TF: variants seen among roughly 807,000 people sequenced by gnomAD.
TF encodes the protein transferrin.
Under a neutral mutation model 82.4 loss-of-function variants are expected in TF, and 55 were observed. The observed-to-expected ratio is 0.67, with a 90% CI of 0.54 to 0.84. The LOEUF is 0.84. Ranked by LOEUF, TF falls within the 40% of genes least tolerant of loss-of-function variation. The pLI is 0.00. For missense variants in TF, 737 were observed against 868.4 expected, an observed-to-expected ratio of 0.85 and a Z score of 1.90; for synonymous variants, 332 against 332.6, an observed-to-expected ratio of 1.00 and a Z score of 0.02.
chr3:133,758,094 G>A, intron 8 of TF, 148 bp downstream of exon 8: 3 of 707,926 alleles, frequency 4.2e-6, no homozygotes, highest in Non-Finnish European at 4.7e-6. Flanking sequence ...TTAGACTGAT[G>A]CTGAATGGCG....
In TF at chr3:133,778,567, T is replaced by G; in HGVS notation, c.2063-19T>G. 2 of 1,612,482 alleles carry G rather than the reference T, an allele frequency of 1.2e-6. No individual in the cohort carries two copies. The highest frequency in any genetic ancestry group is 1.1e-5 in the South Asian group (1 of 91,054). On this transcript the variant is annotated intron_variant, in intron 16 of 16. Transcript: ENST00000402696. ...ATAGGAAGATTTTGAAAATCCTACC[T>G]CTCTGCTCTGCTCCACAGCACTCCT...
At chr3:133,729,752 G>A in the TF span, among the ~76,000 whole-genome samples, 3 of 152,106 alleles carry the variant, frequency 2.0e-5, no homozygotes, top group Non-Finnish European at 2.9e-5. Flanking sequence ...CTTCTGCATC[G>A]CTCACGCTGG....
At chr3:133,744,777 GAT>G (rs2107903748), upstream of TF, among the ~76,000 whole-genome samples, 1 of 152,316 alleles carries the variant, frequency 6.6e-6, no homozygotes, top group East Asian at 1.9e-4. Context: ...TTGCATATGA[GAT>G]AATCTTTTGG....
chr3:133,662,220 A>C, the TF span: 5 of 152,254 alleles, frequency 3.3e-5, no homozygotes, highest in Non-Finnish European at 7.3e-5. Context: ...GGATTTCCTC[A>C]ATAGATATTT....
rs777553078 is a variant in TF, at chr3:133,766,410, A to G, written c.1463A>G (p.Asn488Ser). ...GWNIPMGLLY[N>S]KINHCRFDEF... Reference sequence around the variant, plus strand: ...AACATCCCCATGGGCCTGCTCTACAATAAGATCAACCACTGCAGATTTGGT... The same window carrying G: ...AACATCCCCATGGGCCTGCTCTACAGTAAGATCAACCACTGCAGATTTGGT... Residue 488 changes from asparagine (N) to serine (S), a missense_variant, in exon 12 of 17, where the codon AAT becomes AGT. Asn to Ser is a conservative substitution (Grantham distance 46, BLOSUM62 1). Transcript: ENST00000402696. The G allele has an allele frequency of 6.2e-7, 1 of 1,614,200 alleles. No homozygotes were observed. Among genetic ancestry groups the G allele is most frequent in the South Asian group, 1.1e-5 (1 of 91,080 alleles).
the TF span, among the ~76,000 whole-genome samples, chr3:133,725,565 A>G: frequency 1.3e-5 from 2 of 152,068 alleles, no homozygotes; most frequent in African/African-American, 2.4e-5. Flanking sequence ...GGCTGAGACA[A>G]TGGGGTTTTC....
the TF span, among the ~76,000 whole-genome samples, chr3:133,682,745 A>G: frequency 1.1e-5 from 1 of 93,700 alleles, no homozygotes; most frequent in Non-Finnish European, 2.0e-5. Context: ...GGTGTACCTG[A>G]AAGTGACGGG....
chr3:133,700,492 G>T, the TF span, among the ~76,000 whole-genome samples: 1 of 152,218 alleles, frequency 6.6e-6, no homozygotes, highest in Admixed American at 6.5e-5. Flanking sequence ...AGGAGCTCAG[G>T]AAGTCTGATT....
chr3:133,671,795 G>GA, the TF span, among the ~76,000 whole-genome samples: 954 of 54,478 alleles, frequency 0.018, 4 homozygotes, highest in East Asian at 0.041. Flanking sequence ...TCTGTCAAAA[G>GA]AAAAAAAAAA....
intron 1 of TF, 98 bp downstream of exon 1, chr3:133,746,581 G>C: frequency 7.2e-7 from 1 of 1,389,042 alleles, no homozygotes. Context: ...TCCGCGCTCA[G>C]GCTGGAAGCC....
chr3:133,714,826 G>GCA, the TF span, among the ~76,000 whole-genome samples: 1 of 152,094 alleles, frequency 6.6e-6, no homozygotes, highest in African/African-American at 2.4e-5. Flanking sequence ...GGGATTACAG[G>GCA]TGCCCACCAC....
At chr3:133,767,471 T>C (rs1395832695) in intron 12 of TF, among the ~76,000 whole-genome samples, 1 of 152,180 alleles carries the variant, frequency 6.6e-6, no homozygotes, top group East Asian at 1.9e-4. Flanking sequence ...TGACACCACT[T>C]AGACATGAAG....
chr3:133,687,512 T>C, the TF span, among the ~76,000 whole-genome samples: 7 of 152,146 alleles, frequency 4.6e-5, no homozygotes, highest in Non-Finnish European at 4.4e-5. Context: ...AACCATCATC[T>C]CTATCTAGTT....
At position 133,759,177 on chromosome 3, in the gene TF, C is replaced by T. The variant is rs770254061; in HGVS notation, c.1051C>T (p.Pro351Ser). ...TTTGTTCTTTTTTTATGCCATAGGC[C>T]CAGAAGCCCCAACAGATGAATGCAA... ...AIRNLREGTC[P>S]EAPTDECKPV... The change falls in exon 9 of 17, where the codon CCA becomes TCA. Residue 351 changes from proline (P) to serine (S), a missense_variant and splice_region_variant. Transcript: ENST00000402696. 1.2e-6 allele frequency: 2 copies of T among 1,614,016 alleles called. No homozygotes were observed. Among genetic ancestry groups the T allele is most frequent in the East Asian group, 4.5e-5 (2 of 44,874 alleles).
At chr3:133,728,482 T>G in the TF span, among the ~76,000 whole-genome samples, 1 of 152,138 alleles carries the variant, frequency 6.6e-6, no homozygotes, top group Admixed American at 6.5e-5. Context: ...ACGTAGTTCT[T>G]GAGCCTTGGC....
intron 2 of TF, 166 bp downstream of exon 2, chr3:133,748,750 TGTGTCTGGAAAGCAAAAGTCAAAAA>T (rs1159866882): frequency 2.2e-6 from 2 of 905,806 alleles, no homozygotes; most frequent in Non-Finnish European, 3.5e-6. Flanking sequence ...TTTTCTTTAA[TGTGTCTGGAAAGCAAAAGTCAAAAA>T]GCACATTAAC....
chr3:133,708,773 T>G, the TF span, among the ~76,000 whole-genome samples: 2 of 150,090 alleles, frequency 1.3e-5, no homozygotes, highest in African/African-American at 4.9e-5. Context: ...TGTATAGGTT[T>G]TTTTTTTTTT....
chr3:133,769,360 C>T (rs1934204356), intron 13 of TF, among the ~76,000 whole-genome samples: 1 of 152,144 alleles, frequency 6.6e-6, no homozygotes, highest in Non-Finnish European at 1.5e-5. Flanking sequence ...AAATAGAGTT[C>T]CCCTTTGCAT....
chr3:133,680,533 C>CTTTTTTT, the TF span, among the ~76,000 whole-genome samples: 1 of 145,240 alleles, frequency 6.9e-6, no homozygotes, highest in East Asian at 2.0e-4. Context: ...CTTTTCTTTT[C>CTTTTTTT]TTTTTTTTTT....
Sources: allele counts gnomAD v4.1 joint callset (sites outside exome capture counted in the v4.1 genomes callset), GRCh38; gene constraint gnomAD v4.1.1; transcripts MANE v1.5; gene names NCBI Gene and HGNC (gene_info 2026-07-23, HGNC 2026-07-21).